IRAK4: variants seen among roughly 807,000 people sequenced by gnomAD.
The protein encoded by IRAK4 is interleukin 1 receptor associated kinase 4, also known as interleukin-1 receptor-associated kinase 4.
IRAK4 carries 44 observed loss-of-function variants against 51.8 expected under a neutral mutation model. That is an observed-to-expected ratio of 0.85 (90% CI 0.67 to 1.09). The LOEUF is 1.09. Ranked by LOEUF, IRAK4 falls within the 50% of genes least tolerant of loss-of-function variation. The pLI, the probability that IRAK4 is intolerant of heterozygous loss-of-function variation, is 0.00. For missense variants in IRAK4, 487 were observed against 538.0 expected (o/e 0.91, Z 0.94); for synonymous variants, 149 against 174.1 (o/e 0.86, Z 1.13).
At position 43,786,437 on chromosome 12, in the gene IRAK4, A is replaced by G; in HGVS notation, c.1227A>G (p.Thr409=). ...AAGAAATTGAAGATGAAGAAAAGAC[A>G]ATTGAAGATTATATTGATAAAAAGA... ...IKEEIEDEEK[T]IEDYIDKKMN... The change falls in exon 11 of 12, where the codon ACA becomes ACG. Residue 409 remains threonine, a synonymous_variant. Transcript: ENST00000613694. The G allele has an allele frequency of 6.2e-7, 1 of 1,603,830 alleles. No homozygotes were observed.
intron 10 of IRAK4, among the ~76,000 whole-genome samples, chr12:43,785,239 A>G (rs1300341077): frequency 6.6e-6 from 1 of 152,136 alleles, no homozygotes; most frequent in Non-Finnish European, 1.5e-5. Flanking sequence ...GGTTCCAGGA[A>G]TTATGACATA....
chr12:43,783,811 A>G lies in IRAK4; in HGVS notation c.1188+87A>G, dbSNP rs148734528. 919 of 879,362 alleles carry G rather than the reference A, an allele frequency of 1.0e-3. 12 individuals carry two copies. The East Asian group carries it at 0.02, about 20-fold the overall frequency. The allele number at this position is 879,362 out of a possible 1,614,324, so 54.5% of individuals were successfully genotyped here. A position where few individuals can be genotyped will look rare whatever the true frequency, so the allele number is the denominator to read the frequency against. On this transcript the variant is annotated intron_variant, in intron 10 of 11. Transcript: ENST00000613694. ...TGGATAAATTTGACATCTAAAAATA[A>G]CATTTTCTATTGGCAATCTTTCCAT...
chr12:43,768,395 T>A, intron 2 of IRAK4, 123 bp downstream of exon 2: 1 of 683,204 alleles, frequency 1.5e-6, no homozygotes, highest in Non-Finnish European at 2.5e-6. Context: ...GAGGAGACAT[T>A]GGTAGTAGGT....
At chr12:43,761,133 T>C (rs564998022) in intron 1 of IRAK4, among the ~76,000 whole-genome samples, 1 of 152,364 alleles carries the variant, frequency 6.6e-6, no homozygotes, top group South Asian at 2.1e-4. Flanking sequence ...TCTAATTTAA[T>C]AGCTCTGGAA....
intron 6 of IRAK4, among the ~76,000 whole-genome samples, chr12:43,774,653 T>C (rs1043473151): frequency 3.9e-5 from 6 of 152,200 alleles, no homozygotes; most frequent in Non-Finnish European, 8.8e-5. Flanking sequence ...TAGAGATACT[T>C]AAAAACAACT....
intron 1 of IRAK4, among the ~76,000 whole-genome samples, chr12:43,760,180 T>C (rs1939347579): frequency 6.6e-6 from 1 of 152,164 alleles, no homozygotes; most frequent in South Asian, 2.1e-4. Context: ...TCTCAGTAAA[T>C]ATCGGTAAAC....
At chr12:43,762,040 T>A (rs984586891) in intron 1 of IRAK4, among the ~76,000 whole-genome samples, 88 of 94,338 alleles carry the variant, frequency 9.3e-4, no homozygotes, top group Admixed American at 3.8e-3. Flanking sequence ...ACTTTTTAAG[T>A]TTTTTTTTGC....
At chr12:43,760,542 G>A (rs563163259) in intron 1 of IRAK4, among the ~76,000 whole-genome samples, 1 of 152,298 alleles carries the variant, frequency 6.6e-6, no homozygotes, top group Admixed American at 6.5e-5. Context: ...GACCTCATCT[G>A]CTACTTGCCT....
At chr12:43,768,391 A>C in intron 2 of IRAK4, 119 bp downstream of exon 2, 1 of 711,916 alleles carries the variant, frequency 1.4e-6, no homozygotes. Context: ...TATGGAGGAG[A>C]CATTGGTAGT....
intron 7 of IRAK4, 144 bp downstream of exon 7, chr12:43,777,888 A>G (rs1384262615): frequency 5.3e-6 from 4 of 754,352 alleles, no homozygotes; most frequent in South Asian, 3.1e-5. Context: ...TATGTCAACA[A>G]ATTATACAGT....
In IRAK4 at chr12:43,787,395, T is replaced by G. The variant is rs1942287149; in HGVS notation, c.*680T>G. ...ATTTGGCAGATGCAGTTAAGGTTCC[T>G]AAACAACTCACTTTGAGACTGTTGA... On this transcript the variant is annotated 3_prime_UTR_variant, in exon 12 of 12. Transcript: ENST00000613694. 6.6e-6 allele frequency: 1 copy of G among 152,378 alleles called. No individual in the cohort carries two copies. Among genetic ancestry groups the G allele is most frequent in the Non-Finnish European group, 1.5e-5 (1 of 68,162 alleles). The allele number at this position is 152,378 out of a possible 1,614,324, so 9.4% of individuals were successfully genotyped here.
chr12:43,772,965 G>T lies in IRAK4; in HGVS notation c.544G>T (p.Glu182Ter). 1.2e-6 allele frequency: 2 copies of T among 1,611,418 alleles called. No individual in the cohort carries two copies. The highest frequency in any genetic ancestry group is 2.2e-5 in the East Asian group (1 of 44,764). ...ELKNVTNNFDERPISVGGNKM... is the reference protein window; with the variant it reads ...ELKNVTNNFD ...GAAGAATGTCACAAATAACTTTGATGAACGACCCATTTCTGTTGGTGGTAA... is the reference window on the plus strand; with the variant it reads ...GAAGAATGTCACAAATAACTTTGATTAACGACCCATTTCTGTTGGTGGTAA... Residue 182 changes from glutamate to a stop codon, truncating the protein, a stop_gained, in exon 5 of 12, where the codon GAA (glutamate) becomes TAA (stop). Transcript: ENST00000613694. LOFTEE classifies it high-confidence loss of function.
intron 2 of IRAK4, 103 bp downstream of exon 2, chr12:43,768,375 C>T (rs1940396082): frequency 1.2e-6 from 1 of 827,784 alleles, no homozygotes; most frequent in South Asian, 1.7e-5. Context: ...AAGTAAACCT[C>T]TCCACTATGG....
At chr12:43,776,933 A>C (rs1476330477) in intron 6 of IRAK4, among the ~76,000 whole-genome samples, 1 of 152,248 alleles carries the variant, frequency 6.6e-6, no homozygotes, top group Non-Finnish European at 1.5e-5. Flanking sequence ...TGAGTGTGTT[A>C]GAAAATTCTT....
chr12:43,761,067 T>C (rs994272058), intron 1 of IRAK4: 1 of 152,222 alleles, frequency 6.6e-6, no homozygotes, highest in Non-Finnish European at 1.5e-5. Flanking sequence ...GAAAGATATG[T>C]TAAGTTTAAT....
chr12:43,759,879 A>C (rs1335772163), intron 1 of IRAK4, among the ~76,000 whole-genome samples: 1 of 151,934 alleles, frequency 6.6e-6, no homozygotes, highest in Non-Finnish European at 1.5e-5. Context: ...AAAGAAAAAA[A>C]AAAAAAAAAA....
intron 1 of IRAK4, among the ~76,000 whole-genome samples, chr12:43,765,670 G>A (rs950125806): frequency 6.6e-6 from 1 of 150,440 alleles, no homozygotes; most frequent in East Asian, 1.9e-4. Flanking sequence ...GTTTTTGCAC[G>A]ATATGCATTT....
intron 1 of IRAK4, among the ~76,000 whole-genome samples, chr12:43,767,556 G>T (rs1940290347): frequency 6.6e-6 from 1 of 152,128 alleles, no homozygotes; most frequent in Non-Finnish European, 1.5e-5. Flanking sequence ...AAAATGTGCA[G>T]AGGTCAAGGA....
intron 2 of IRAK4, chr12:43,768,561 T>C (rs1940420251): frequency 3.6e-6 from 1 of 274,264 alleles, no homozygotes; most frequent in African/African-American, 2.2e-5. Context: ...TGAAGTTCAC[T>C]CTGCCTCACA....
Sources: allele counts gnomAD v4.1 joint callset (sites outside exome capture counted in the v4.1 genomes callset), GRCh38; gene constraint gnomAD v4.1.1; transcripts MANE v1.5; gene names NCBI Gene and HGNC (gene_info 2026-07-23, HGNC 2026-07-21).